The following NSMCE2 variants were observed in gnomAD, a reference collection of about 807,000 sequenced individuals.
The protein encoded by NSMCE2 is NSE2 SUMO ligase component of SMC5/6 complex.
NSMCE2 carries 24 observed loss-of-function variants against 23.8 expected under a neutral mutation model. The observed-to-expected ratio is 1.01, with a 90% CI of 0.73 to 1.42. The LOEUF is 1.42. NSMCE2 is among the 40% of genes most tolerant of loss of function. The pLI, the probability that NSMCE2 is intolerant of heterozygous loss-of-function variation, is 0.00. For missense variants in NSMCE2, 284 were observed against 296.5 expected (o/e 0.96, Z 0.31); for synonymous variants, 92 against 94.1 (o/e 0.98, Z 0.13).
At chr8:125,196,245 C>T (rs1302601202) in intron 5 of NSMCE2, among the ~76,000 whole-genome samples, 1 of 149,214 alleles carries the variant, frequency 6.7e-6, no homozygotes, top group Non-Finnish European at 1.5e-5. Flanking sequence ...GGTACATGTG[C>T]ACAACGTGCA....
chr8:125,150,422 CTTTCTTTTTTTT>C (rs1820934382), intron 3 of NSMCE2, among the ~76,000 whole-genome samples: 2 of 93,942 alleles, frequency 2.1e-5, no homozygotes, highest in South Asian at 3.5e-4. Flanking sequence ...TCTTTTCTTT[CTTTCTTTTTTTT>C]TTTTTTTTTT....
At chr8:125,337,579 A>G (rs574397754) in intron 5 of NSMCE2, among the ~76,000 whole-genome samples, 2 of 152,350 alleles carry the variant, frequency 1.3e-5, no homozygotes, top group East Asian at 3.9e-4. Flanking sequence ...TGACTTGCAA[A>G]TACTGTATGT....
chr8:125,165,441 T>G (rs1208703598), intron 4 of NSMCE2, among the ~76,000 whole-genome samples: 2 of 152,186 alleles, frequency 1.3e-5, no homozygotes, highest in Non-Finnish European at 2.9e-5. Context: ...CAGAGTAAAA[T>G]ATATGGGAGA....
chr8:125,302,600 A>G (rs968557900), intron 5 of NSMCE2, among the ~76,000 whole-genome samples: 9 of 152,196 alleles, frequency 5.9e-5, no homozygotes, highest in Admixed American at 2.6e-4. Flanking sequence ...GCACTGTGCT[A>G]AGTGCTTGAC....
chr8:125,229,679 TC>T (rs1825242364), intron 5 of NSMCE2, among the ~76,000 whole-genome samples: 1 of 152,202 alleles, frequency 6.6e-6, no homozygotes, highest in Non-Finnish European at 1.5e-5. Context: ...GAGTCTGGTT[TC>T]CCCAGTTCTA....
chr8:125,130,261 A>G (rs1348850258), intron 3 of NSMCE2: 5 of 456,074 alleles, frequency 1.1e-5, no homozygotes, highest in Non-Finnish European at 2.2e-5. Context: ...TCATCACGTC[A>G]TATCAAAGCT....
intron 4 of NSMCE2, among the ~76,000 whole-genome samples, chr8:125,161,118 G>T (rs1444686318): frequency 6.6e-6 from 1 of 152,160 alleles, no homozygotes. Flanking sequence ...CTTTCATTGT[G>T]CAGTGGAGCC....
chr8:125,352,125 C>G (rs534483607), intron 5 of NSMCE2, among the ~76,000 whole-genome samples: 1 of 152,090 alleles, frequency 6.6e-6, no homozygotes, highest in Non-Finnish European at 1.5e-5. Context: ...ATGTATATGA[C>G]GTGCTTAGCA....
chr8:125,353,704 G>A (rs1356525212), intron 5 of NSMCE2, among the ~76,000 whole-genome samples: 7 of 151,622 alleles, frequency 4.6e-5, no homozygotes, highest in African/African-American at 7.3e-5. Flanking sequence ...CCAACATGGC[G>A]AAACCACGTC....
chr8:125,240,415 G>T (rs112610417), intron 5 of NSMCE2, among the ~76,000 whole-genome samples: 1 of 152,280 alleles, frequency 6.6e-6, no homozygotes, highest in African/African-American at 2.4e-5. Flanking sequence ...GAGCCACCAC[G>T]CCTGGCTTAC....
chr8:125,256,872 G>A (rs960627202), intron 5 of NSMCE2, among the ~76,000 whole-genome samples: 8 of 131,882 alleles, frequency 6.1e-5, no homozygotes, highest in Admixed American at 4.4e-4. Context: ...GCAGTGAGTC[G>A]AGATTGTGCC....
intron 3 of NSMCE2, among the ~76,000 whole-genome samples, chr8:125,144,045 A>C (rs564754847): frequency 1.2e-4 from 18 of 152,276 alleles, no homozygotes; most frequent in African/African-American, 4.3e-4. Flanking sequence ...TGATAGGGAA[A>C]AGAGGGGGGG....
intron 5 of NSMCE2, among the ~76,000 whole-genome samples, chr8:125,331,498 G>A (rs1829874360): frequency 6.6e-6 from 1 of 152,102 alleles, no homozygotes; most frequent in South Asian, 2.1e-4. Context: ...GCTGGGTAAT[G>A]GGGAAGAGTA....
intron 5 of NSMCE2, among the ~76,000 whole-genome samples, chr8:125,301,983 C>T (rs866875791): frequency 1.7e-4 from 26 of 148,666 alleles, no homozygotes; most frequent in African/African-American, 5.7e-4. Context: ...TTTTTGAGAC[C>T]GAGTCTCACT....
At chr8:125,170,857 C>G (rs566310018) in intron 4 of NSMCE2, among the ~76,000 whole-genome samples, 22 of 152,248 alleles carry the variant, frequency 1.4e-4, no homozygotes, top group African/African-American at 5.3e-4. Context: ...GCTCCTCCTC[C>G]CCTAAAGTGG....
At chr8:125,204,699 G>A (rs942257709) in intron 5 of NSMCE2, among the ~76,000 whole-genome samples, 1 of 152,104 alleles carries the variant, frequency 6.6e-6, no homozygotes, top group African/African-American at 2.4e-5. Flanking sequence ...GCAGAGATGG[G>A]TAAGAATTAT....
chr8:125,213,518 TCCTCTCCTCTCCTCTCCTC>T (rs1824436707), intron 5 of NSMCE2, among the ~76,000 whole-genome samples: 1 of 131,226 alleles, frequency 7.6e-6, no homozygotes, highest in African/African-American at 2.8e-5. Context: ...TCCTCTCCTC[TCCTCTCCTCTCCTCTCCTC>T]TCCCCTCCAC....
At chr8:125,334,980 T>C (rs1830024506) in intron 5 of NSMCE2, among the ~76,000 whole-genome samples, 1 of 151,990 alleles carries the variant, frequency 6.6e-6, no homozygotes, top group African/African-American at 2.4e-5. Flanking sequence ...CATCTCAAAC[T>C]CCTGGCCTCA....
intron 5 of NSMCE2, among the ~76,000 whole-genome samples, chr8:125,192,329 G>GTTT (rs34715537): frequency 3.5e-5 from 5 of 143,012 alleles, no homozygotes; most frequent in African/African-American, 2.6e-5. Context: ...TTTTTAAAAG[G>GTTT]TTTTTTTTTT....
Sources: allele counts gnomAD v4.1 joint callset (sites outside exome capture counted in the v4.1 genomes callset), GRCh38; gene constraint gnomAD v4.1.1; transcripts MANE v1.5; gene names NCBI Gene and HGNC (gene_info 2026-07-23, HGNC 2026-07-21).